QTMAN: variants seen among roughly 807,000 people sequenced by gnomAD.
QTMAN encodes the protein queuosine-tRNA mannosyltransferase.
chr2:144,326,097 A>T, the QTMAN span, among the ~76,000 whole-genome samples: 2 of 152,250 alleles, frequency 1.3e-5, no homozygotes, highest in African/African-American at 4.8e-5. Flanking sequence ...ATGAACAAAA[A>T]TAGGGCCATT....
At chr2:144,106,526 T>C in the QTMAN span, among the ~76,000 whole-genome samples, 1 of 151,990 alleles carries the variant, frequency 6.6e-6, no homozygotes, top group African/African-American at 2.4e-5. Context: ...TACATAATGG[T>C]AAAGGGATCA....
At chr2:143,981,105 C>T in the QTMAN span, among the ~76,000 whole-genome samples, 2 of 152,204 alleles carry the variant, frequency 1.3e-5, no homozygotes, top group African/African-American at 4.8e-5. Flanking sequence ...CATTCATATA[C>T]TACTGATGAT....
chr2:144,241,496 T>C, the QTMAN span, among the ~76,000 whole-genome samples: 1 of 152,216 alleles, frequency 6.6e-6, no homozygotes. Context: ...CAGATAGATA[T>C]CATTACCATT....
chr2:143,990,760 A>C, the QTMAN span, among the ~76,000 whole-genome samples: 1 of 152,222 alleles, frequency 6.6e-6, no homozygotes, highest in Non-Finnish European at 1.5e-5. Flanking sequence ...AAAAACACAT[A>C]GGAAATAAAG....
At chr2:144,038,727 T>C in the QTMAN span, among the ~76,000 whole-genome samples, 2 of 152,222 alleles carry the variant, frequency 1.3e-5, no homozygotes, top group Non-Finnish European at 2.9e-5. Flanking sequence ...CACAGTTGTA[T>C]TAAATTGATG....
chr2:144,013,135 A>G, the QTMAN span, among the ~76,000 whole-genome samples: 1 of 152,170 alleles, frequency 6.6e-6, no homozygotes, highest in Non-Finnish European at 1.5e-5. Flanking sequence ...ATAAAGTTAA[A>G]CATTTCTTTA....
the QTMAN span, among the ~76,000 whole-genome samples, chr2:144,060,901 C>T: frequency 1.3e-5 from 2 of 152,048 alleles, no homozygotes; most frequent in African/African-American, 4.8e-5. Context: ...GTATGAATAT[C>T]GAGTTTCCTT....
the QTMAN span, among the ~76,000 whole-genome samples, chr2:144,239,566 C>T: frequency 6.6e-6 from 1 of 152,178 alleles, no homozygotes; most frequent in African/African-American, 2.4e-5. Context: ...AAAGGCTGGC[C>T]TCCCAGAATG....
chr2:144,210,213 G>A, the QTMAN span, among the ~76,000 whole-genome samples: 14 of 152,044 alleles, frequency 9.2e-5, no homozygotes. Context: ...TATGACCTTG[G>A]ACAAGTTACC....
chr2:143,964,918 C>G, the QTMAN span, among the ~76,000 whole-genome samples: 1 of 152,152 alleles, frequency 6.6e-6, no homozygotes, highest in Non-Finnish European at 1.5e-5. Flanking sequence ...ACCATGTCTG[C>G]AGCATGGAAA....
At chr2:143,989,931 C>T in the QTMAN span, among the ~76,000 whole-genome samples, 1 of 152,244 alleles carries the variant, frequency 6.6e-6, no homozygotes, top group Non-Finnish European at 1.5e-5. Flanking sequence ...TCTATTATCC[C>T]TGAATCGATT....
chr2:144,134,885 T>C, the QTMAN span, among the ~76,000 whole-genome samples: 2 of 152,162 alleles, frequency 1.3e-5, no homozygotes, highest in Admixed American at 1.3e-4. Flanking sequence ...TTGATCTTTT[T>C]ATATTAATTA....
chr2:144,098,452 T>C, the QTMAN span, among the ~76,000 whole-genome samples: 3 of 152,142 alleles, frequency 2.0e-5, no homozygotes, highest in Non-Finnish European at 4.4e-5. Context: ...CAGTGGCTCA[T>C]GCCTGTAATC....
chr2:144,154,550 T>C, the QTMAN span, among the ~76,000 whole-genome samples: 1 of 152,204 alleles, frequency 6.6e-6, no homozygotes, highest in Non-Finnish European at 1.5e-5. Flanking sequence ...GAGTGCCCAG[T>C]AGGTAACTGA....
chr2:144,327,041 T>C, the QTMAN span, among the ~76,000 whole-genome samples: 1 of 152,258 alleles, frequency 6.6e-6, no homozygotes, highest in South Asian at 2.1e-4. Flanking sequence ...GACCTTCTCC[T>C]GCCCCAAGAC....
chr2:144,217,449 A>G, the QTMAN span, among the ~76,000 whole-genome samples: 2 of 151,972 alleles, frequency 1.3e-5, no homozygotes, highest in Admixed American at 1.3e-4. Flanking sequence ...ATATATATAT[A>G]ACACGGTATA....
the QTMAN span, among the ~76,000 whole-genome samples, chr2:144,313,796 A>C: frequency 1.3e-5 from 2 of 151,422 alleles, no homozygotes; most frequent in African/African-American, 2.4e-5. Context: ...TTTTAAATAG[A>C]TATATCTTTA....
the QTMAN span, among the ~76,000 whole-genome samples, chr2:144,223,381 T>C: frequency 6.6e-6 from 1 of 152,176 alleles, no homozygotes; most frequent in Non-Finnish European, 1.5e-5. Flanking sequence ...TCCCATATTT[T>C]AAAATAAGCA....
At chr2:143,964,195 G>T in the QTMAN span, 1 of 151,992 alleles carries the variant, frequency 6.6e-6, no homozygotes, top group African/African-American at 2.4e-5. Flanking sequence ...ATTCCAGAGG[G>T]GAGGAACCAT....
Sources: gnomAD v4.1 joint callset for allele counts (sites outside exome capture counted in the v4.1 genomes callset) on GRCh38, gnomAD v4.1.1 for gene constraint, MANE v1.5 for transcripts, NCBI Gene and HGNC (gene_info 2026-07-23, HGNC 2026-07-21) for gene names.